Variants in SLIT1 observed in about 807,000 individuals in gnomAD.
The protein encoded by SLIT1 is slit guidance ligand 1, also known as slit homolog 1 protein.
Under a neutral mutation model 186.1 loss-of-function variants are expected in SLIT1, and 66 were observed. The observed-to-expected ratio is 0.35, with a 90% CI of 0.29 to 0.44. The LOEUF (loss-of-function observed/expected upper bound fraction) is 0.44, where lower values mean the gene tolerates loss of function less well. Ranked by LOEUF, SLIT1 falls within the 20% of genes least tolerant of loss-of-function variation. The pLI, the probability that SLIT1 is intolerant of heterozygous loss-of-function variation, is 1.00. For missense variants in SLIT1, 1,638 were observed against 2,037.4 expected, an observed-to-expected ratio of 0.80 and a Z score of 3.77; for synonymous variants, 761 against 833.8, an observed-to-expected ratio of 0.91 and a Z score of 1.50.
At chr10:97,157,992 C>G in intron 3 of SLIT1, 103 bp from the exon 4 acceptor site, 1 of 842,306 alleles carries the variant, frequency 1.2e-6, no homozygotes, top group South Asian at 1.4e-5. Flanking sequence ...GTCCAGTATT[C>G]AAATCCTAAC....
intron 4 of SLIT1, 116 bp from the exon 5 acceptor site, chr10:97,066,202 C>T (rs1350351757): frequency 3.9e-6 from 3 of 762,656 alleles, no homozygotes; most frequent in African/African-American, 3.4e-5. Flanking sequence ...GAACCAGCCA[C>T]TGCTGCACCC....
At chr10:97,137,923 T>C (rs1207457096) in intron 4 of SLIT1, among the ~76,000 whole-genome samples, 1 of 152,196 alleles carries the variant, frequency 6.6e-6, no homozygotes, top group Admixed American at 6.5e-5. Context: ...ATAAGAAAAC[T>C]GAGTCTAAAC....
rs749136756 is a variant in SLIT1 at position 97,006,590 on chromosome 10, C to T, written c.3472G>A (p.Gly1158Ser). The change falls in exon 32 of 37, where the codon GGT becomes AGT. Residue 1158 changes from glycine (G) to serine (S), a missense_variant. Gly to Ser is a moderately conservative substitution (Grantham distance 56). This residue lies in a region of SLIT1 where 1,245 missense variants were observed against 1,535.3 expected (regional missense o/e 0.81). Coordinates refer to ENST00000266058, the MANE Select transcript of SLIT1 (RefSeq NM_003061.3). This position sits in a 1 kb window ranked among gnomAD's most constrained non-coding sequence, Gnocchi z 4.0. Reference protein sequence around the residue: ...RPVCQCLPGFGGPECEKLLSV... With the variant: ...RPVCQCLPGFSGPECEKLLSV... ...AGCAACTTCTCACACTCAGGGCCAC[C>T]GAAGCCTGGGAGGCACTGGCACACA... The T allele has an allele frequency of 3.5e-5, 56 of 1,614,106 alleles. No homozygotes were observed. Among genetic ancestry groups the T allele is most frequent in the African/African-American group, 1.7e-4 (13 of 74,944 alleles).
intron 4 of SLIT1, among the ~76,000 whole-genome samples, chr10:97,147,952 T>A (rs1368356653): frequency 6.6e-6 from 1 of 152,198 alleles, no homozygotes; most frequent in Admixed American, 6.5e-5. Flanking sequence ...GAAACCCACC[T>A]TCCCAGAAGA....
chr10:97,070,217 G>A, intron 4 of SLIT1, among the ~76,000 whole-genome samples: 1 of 152,234 alleles, frequency 6.6e-6, no homozygotes, highest in East Asian at 1.9e-4. Flanking sequence ...ACTGTGAGAT[G>A]TTTATTGTTT....
At chr10:97,040,403 A>G (rs1267517036) in intron 20 of SLIT1, among the ~76,000 whole-genome samples, 2 of 152,074 alleles carry the variant, frequency 1.3e-5, no homozygotes, top group Non-Finnish European at 2.9e-5. Context: ...ATGGCCGCGC[A>G]CCATCCCATC....
At chr10:97,067,690 C>T (rs967108193) in intron 4 of SLIT1, among the ~76,000 whole-genome samples, 5 of 152,176 alleles carry the variant, frequency 3.3e-5, no homozygotes, top group Admixed American at 2.6e-4. Context: ...AGTAACTGAC[C>T]TGGTTGGACC....
At position 97,177,034 on chromosome 10, in the gene SLIT1, G is replaced by A. The variant is rs372792961; in HGVS notation, c.197+8444C>T. On this transcript the variant is annotated intron_variant, in intron 1 of 36. Transcript: ENST00000266058. Reference sequence around the variant, plus strand: ...CTCCAGAATCCAAATCACCGGAATCGCCTTGCTGAAGAGCTACAGAGCCAG... The same window carrying A: ...CTCCAGAATCCAAATCACCGGAATCACCTTGCTGAAGAGCTACAGAGCCAG... Among the ~76,000 whole-genome samples, 9 of 152,138 alleles carry A rather than the reference G, an allele frequency of 5.9e-5. No homozygotes were observed. In the East Asian group the frequency reaches 1.2e-3, roughly 20 times the overall value.
At chr10:97,039,862 A>G (rs1415101835) in intron 21 of SLIT1, 126 bp downstream of exon 21, 2 of 1,030,800 alleles carry the variant, frequency 1.9e-6, no homozygotes, top group African/African-American at 3.3e-5. Flanking sequence ...TCCAGCTCCT[A>G]GTCAGCTAAT....
intron 12 of SLIT1, 115 bp from the exon 13 acceptor site, chr10:97,056,579 G>C: frequency 1.7e-6 from 2 of 1,149,982 alleles, no homozygotes; most frequent in Non-Finnish European, 1.3e-6. Context: ...GGAGCCCATC[G>C]GAGCAGGCCC....
At chr10:97,034,125 A>G (rs1848616461) in intron 23 of SLIT1, among the ~76,000 whole-genome samples, 1 of 152,176 alleles carries the variant, frequency 6.6e-6, no homozygotes, top group African/African-American at 2.4e-5. Context: ...TCTGCCTCCC[A>G]AAGTGCTGGG....
At position 97,082,917 on chromosome 10, in the gene SLIT1, G is replaced by T. The variant is rs114537536; in HGVS notation, c.414-16831C>A. ...AAAAAAGAAAGTCTACTGTTTGTTT[G>T]TTTGTTGTTTATAGAGACAGGGTCT... On this transcript the variant is annotated intron_variant, in intron 4 of 36. Coordinates refer to ENST00000266058, the MANE Select transcript of SLIT1 (RefSeq NM_003061.3). Among the ~76,000 whole-genome samples the T allele has an allele frequency of 4.4e-3, 665 of 151,874 alleles. 3 individuals carry two copies. Among genetic ancestry groups the T allele is most frequent in the Non-Finnish European group, 5.4e-3 (367 of 67,920 alleles).
At chr10:97,164,293 A>C (rs754320917) in intron 2 of SLIT1, among the ~76,000 whole-genome samples, 2 of 148,020 alleles carry the variant, frequency 1.4e-5, no homozygotes, top group South Asian at 2.2e-4. Context: ...AGGGGGGGGA[A>C]CCGCCACCAG....
Position 97,060,769 on chromosome 10 carries a change from C to T in SLIT1, c.812G>A (p.Arg271His), listed in dbSNP as rs376052915. ...FSCSGQGEAG[R>H]VPTCTLSSGS... ...GGAGGACAGGGTGCAGGTGGGCACGCGCCCCGCTTCTCCCTGGCCTGCAGA... is the reference window on the plus strand; with the variant it reads ...GGAGGACAGGGTGCAGGTGGGCACGTGCCCCGCTTCTCCCTGGCCTGCAGA... The change falls in exon 9 of 37, where the codon CGC becomes CAC. Residue 271 changes from arginine (R) to histidine (H), a missense_variant. Around this residue, in one of 3 missense-constraint regions of SLIT1, gnomAD observed 1,245 missense variants for 1,535.3 expected, o/e 0.81. Coordinates refer to ENST00000266058, the MANE Select transcript of SLIT1 (RefSeq NM_003061.3). The T allele has an allele frequency of 5.9e-5, 95 of 1,607,008 alleles. No homozygotes were observed. In the Admixed American group the frequency reaches 9.6e-4, roughly 16 times the overall value.
intron 13 of SLIT1, among the ~76,000 whole-genome samples, chr10:97,055,058 A>T (rs912091596): frequency 6.6e-6 from 1 of 152,154 alleles, no homozygotes; most frequent in African/African-American, 2.4e-5. Context: ...TCCATTAAAG[A>T]TACAAAAAAT....
At chr10:97,114,334 T>C (rs992643692) in intron 4 of SLIT1, among the ~76,000 whole-genome samples, 6 of 152,172 alleles carry the variant, frequency 3.9e-5, no homozygotes, top group Admixed American at 1.3e-4. Flanking sequence ...AGGGAATTAT[T>C]GCACATTCTG....
intron 25 of SLIT1, 114 bp downstream of exon 25, chr10:97,030,643 T>A: frequency 2.3e-6 from 2 of 874,646 alleles, no homozygotes; most frequent in Non-Finnish European, 3.8e-6. Flanking sequence ...GTTCCCAAGC[T>A]TAATTTCAGA....
chr10:97,101,266 A>C (rs1181499306), intron 4 of SLIT1: 1 of 152,118 alleles, frequency 6.6e-6, no homozygotes, highest in African/African-American at 2.4e-5. Context: ...TTCCTATTGG[A>C]TGGAGCGCTC....
At chr10:97,147,741 ACT>A (rs1849834178) in intron 4 of SLIT1, among the ~76,000 whole-genome samples, 2 of 151,596 alleles carry the variant, frequency 1.3e-5, no homozygotes, top group Non-Finnish European at 2.9e-5. Context: ...ACCCATCCAA[ACT>A]CTTCATTCTA....
Sources: gnomAD v4.1 joint callset for allele counts (sites outside exome capture counted in the v4.1 genomes callset) on GRCh38, gnomAD v4.1.1 for gene constraint, gnomAD v4.1.1 regional missense constraint, Gnocchi (gnomAD v3.1) non-coding constraint, MANE v1.5 for transcripts, NCBI Gene and HGNC (gene_info 2026-07-23, HGNC 2026-07-21) for gene names.